NSD1: variants seen among roughly 807,000 people sequenced by gnomAD.
The protein encoded by NSD1 is histone-lysine N-methyltransferase, H3 lysine-36 specific.
NSD1 carries 26 observed loss-of-function variants against 242.7 expected under a neutral mutation model. The ratio of observed to expected loss-of-function variants is 0.11; its 90% CI spans 0.08 to 0.15. The LOEUF is 0.15. Among genes scored for constraint, NSD1 ranks in the 10% least tolerant of loss-of-function variants. NSD1 has a pLI of 1.00. For synonymous variants in NSD1, 1,106 were observed against 1,178.1 expected, an observed-to-expected ratio of 0.94 and a Z score of 1.25; for missense variants, 2,495 against 3,272.8, an observed-to-expected ratio of 0.76 and a Z score of 5.80.
intron 16 of NSD1, among the ~76,000 whole-genome samples, chr5:177,270,386 A>G (rs1757859522): frequency 6.6e-6 from 1 of 152,230 alleles, no homozygotes; most frequent in Admixed American, 6.5e-5. Flanking sequence ...TTCTCTTACC[A>G]TGTAATGGAG....
At chr5:177,157,833 G>T (rs1016913528) in intron 2 of NSD1, among the ~76,000 whole-genome samples, 1 of 152,122 alleles carries the variant, frequency 6.6e-6, no homozygotes, top group African/African-American at 2.4e-5. Flanking sequence ...TATTCTAGGC[G>T]TTTCATACAA....
At chr5:177,201,770 G>T (rs1299060067) in intron 3 of NSD1, among the ~76,000 whole-genome samples, 1 of 151,384 alleles carries the variant, frequency 6.6e-6, no homozygotes, top group Non-Finnish European at 1.5e-5. Context: ...TGTTGGCCAG[G>T]TTGGTCTTGA....
At chr5:177,176,999 G>T (rs1760259072) in intron 2 of NSD1, among the ~76,000 whole-genome samples, 1 of 152,200 alleles carries the variant, frequency 6.6e-6, no homozygotes, top group African/African-American at 2.4e-5. Flanking sequence ...TACATTATGT[G>T]TGAAAGAACT....
intron 17 of NSD1, among the ~76,000 whole-genome samples, chr5:177,278,460 A>G (rs1758576933): frequency 6.6e-6 from 1 of 152,222 alleles, no homozygotes; most frequent in Admixed American, 6.5e-5. Flanking sequence ...GCATATATCC[A>G]GATTGTAGAT....
At chr5:177,187,914 A>G (rs10069525) in intron 2 of NSD1, among the ~76,000 whole-genome samples, 9,431 of 152,210 alleles carry the variant, frequency 0.062, 673 homozygotes, top group African/African-American at 0.18. Flanking sequence ...GGCAGTGTAC[A>G]CAGAATTCGG....
At chr5:177,224,556 A>G (rs1243508497) in intron 5 of NSD1, among the ~76,000 whole-genome samples, 1 of 151,686 alleles carries the variant, frequency 6.6e-6, no homozygotes, top group Non-Finnish European at 1.5e-5. Context: ...TGCTGAACTC[A>G]TCTCTGTTAA....
intron 21 of NSD1, among the ~76,000 whole-genome samples, 199 bp downstream of exon 21, chr5:177,289,124 A>G (rs569464689): frequency 3.3e-5 from 5 of 152,304 alleles, no homozygotes; most frequent in African/African-American, 9.6e-5. Flanking sequence ...GTTCGAGACC[A>G]GCCTGGCCAA....
chr5:177,234,824 C>T (rs1007928105), intron 5 of NSD1, among the ~76,000 whole-genome samples: 4 of 152,214 alleles, frequency 2.6e-5, no homozygotes, highest in Non-Finnish European at 4.4e-5. Context: ...CAGAATGCCT[C>T]TTCATTCCTA....
intron 4 of NSD1, among the ~76,000 whole-genome samples, chr5:177,207,592 A>ATTT (rs1562201568): frequency 2.9e-4 from 29 of 100,154 alleles, no homozygotes; most frequent in African/African-American, 1.1e-3. Context: ...TATTTATTTA[A>ATTT]ATTTTTTTTT....
At chr5:177,245,239 A>G (rs1029209447) in intron 9 of NSD1, among the ~76,000 whole-genome samples, 1 of 152,200 alleles carries the variant, frequency 6.6e-6, no homozygotes, top group African/African-American at 2.4e-5. Flanking sequence ...GTCTCTTAAA[A>G]TAATAGTAGT....
At position 177,135,515 on chromosome 5, in the gene NSD1, C is replaced by T. The variant is rs1390272781; in HGVS notation, c.412C>T (p.Leu138Phe). 2 of 1,614,078 alleles carry T rather than the reference C, an allele frequency of 1.2e-6. No individual in the cohort carries two copies. The highest frequency in any genetic ancestry group is 1.7e-6 in the Non-Finnish European group (2 of 1,180,046). The change falls in exon 2 of 23, where the codon CTC becomes TTC. Residue 138 changes from leucine (L) to phenylalanine (F), a missense_variant. Leu to Phe is a conservative substitution (Grantham distance 22, BLOSUM62 0). Transcript: ENST00000439151. ...ACCCTCTTGTAATAACTCCCCTGAACTCCAGGTAAAAGTAACAAAGACTAT... is the reference window on the plus strand; with the variant it reads ...ACCCTCTTGTAATAACTCCCCTGAATTCCAGGTAAAAGTAACAAAGACTAT... ...QEPSCNNSPE[L>F]QVKVTKTIKN...
intron 18 of NSD1, among the ~76,000 whole-genome samples, chr5:177,281,204 A>G (rs1297787476): frequency 6.6e-6 from 1 of 152,206 alleles, no homozygotes; most frequent in African/African-American, 2.4e-5. Context: ...TGAGGAAAAA[A>G]CAGGTCTGGC....
chr5:177,287,488 T>C (rs1034122487), intron 20 of NSD1, among the ~76,000 whole-genome samples: 1 of 152,018 alleles, frequency 6.6e-6, no homozygotes, highest in African/African-American at 2.4e-5. Flanking sequence ...ATACAAAAAC[T>C]AGCTGGGCGT....
chr5:177,253,964 T>G (rs1214999429), intron 12 of NSD1, among the ~76,000 whole-genome samples: 3 of 152,170 alleles, frequency 2.0e-5, no homozygotes, highest in Non-Finnish European at 4.4e-5. Flanking sequence ...TTTTTGTTTT[T>G]GTTTTTGTTT....
intron 6 of NSD1, among the ~76,000 whole-genome samples, chr5:177,236,750 C>G (rs1765464592): frequency 6.6e-6 from 1 of 152,310 alleles, no homozygotes; most frequent in Non-Finnish European, 1.5e-5. Flanking sequence ...ACATTTTTAG[C>G]TAGACTATAT....
chr5:177,146,154 A>AT (rs1434882345), intron 2 of NSD1, among the ~76,000 whole-genome samples: 1 of 150,830 alleles, frequency 6.6e-6, no homozygotes, highest in Non-Finnish European at 1.5e-5. Context: ...TTTGCAAAAA[A>AT]TATCTAATAC....
rs73806734 is a variant in NSD1 at position 177,178,931 on chromosome 5, A to G, written c.928-12953A>G. Among the ~76,000 whole-genome samples, 635 of 152,332 alleles carry G rather than the reference A, an allele frequency of 4.2e-3. 4 individuals carry two copies. The highest frequency in any genetic ancestry group is 0.015 in the African/African-American group (615 of 41,576). On this transcript the variant is annotated intron_variant, in intron 2 of 22. Coordinates refer to ENST00000439151, the MANE Select transcript of NSD1 (RefSeq NM_022455.5). ...TCAAGTGCAGTAAAAAGAGGTATGC[A>G]CAAGGGGATCCAGAGCCTTAAGTAG... is the stretch of plus-strand genomic sequence containing the variant.
At position 177,211,587 on chromosome 5, in the gene NSD1, C is replaced by T; in HGVS notation, c.3188C>T (p.Thr1063Ile). ...KRKLNQLPSV[T>I]LDAVLQGDRE... is the part of the protein sequence containing the mutation. The stretch of plus-strand genomic sequence containing the variant: ...AAACTGAATCAGCTTCCAAGTGTGA[C>T]TCTTGATGCTGTACTGCAGGGAGAC... The change falls in exon 5 of 23, where the codon ACT becomes ATT. Residue 1063 changes from threonine (T) to isoleucine (I), a missense_variant. Thr to Ile is a moderately conservative substitution (Grantham distance 89). Around this residue, in one of 19 missense-constraint regions of NSD1, gnomAD observed 426 missense variants for 411.4 expected, o/e 1.04. Coordinates refer to ENST00000439151, the MANE Select transcript of NSD1 (RefSeq NM_022455.5). The T allele has an allele frequency of 1.2e-6, 2 of 1,614,096 alleles. No individual in the cohort carries two copies. The highest frequency in any genetic ancestry group is 2.2e-5 in the East Asian group (1 of 44,890).
rs1027993747 is a variant in NSD1, at chr5:177,211,283, A to C, written c.2884A>C (p.Thr962Pro). 6.2e-7 allele frequency: 1 copy of C among 1,614,062 alleles called. No individual in the cohort carries two copies. The highest frequency in any genetic ancestry group is 1.3e-5 in the African/African-American group (1 of 74,928). Residue 962 changes from threonine to proline, a missense_variant, in exon 5 of 23, where the codon ACA becomes CCA. Coordinates refer to ENST00000439151, the MANE Select transcript of NSD1 (RefSeq NM_022455.5). ...TAAGGTTTTGGTTTCAGGAGGCTCC[A>C]CACACAATTCAGAGAAAAAGGGAGA... ...VSKVLVSGGS[T>P]HNSEKKGDGT... is the part of the protein sequence containing the mutation.
Sources: gnomAD v4.1 joint callset for allele counts (sites outside exome capture counted in the v4.1 genomes callset) on GRCh38, gnomAD v4.1.1 for gene constraint, gnomAD v4.1.1 regional missense constraint, MANE v1.5 for transcripts, NCBI Gene and HGNC (gene_info 2026-07-23, HGNC 2026-07-21) for gene names.